CD2AP: variants seen among roughly 807,000 people sequenced by gnomAD.
The protein encoded by CD2AP is CD2-associated protein.
In CD2AP, 46 loss-of-function variants were observed where a neutral mutation model predicts 85.1. The ratio of observed to expected loss-of-function variants is 0.54; its 90% CI spans 0.43 to 0.69. The LOEUF is 0.69. CD2AP is among the 30% of genes least tolerant of loss of function. CD2AP has a pLI of 0.00. For missense variants in CD2AP, 769 were observed against 729.5 expected, an observed-to-expected ratio of 1.05 and a Z score of -0.62; for synonymous variants, 255 against 252.9, an observed-to-expected ratio of 1.01 and a Z score of -0.08.
At chr6:47,623,060 C>A (rs1210586501) in intron 17 of CD2AP, among the ~76,000 whole-genome samples, 3 of 152,170 alleles carry the variant, frequency 2.0e-5, no homozygotes, top group Admixed American at 6.5e-5. Context: ...CGTCTCAATC[C>A]AAATTGAAGA....
chr6:47,563,297 A>T (rs141949321), intron 5 of CD2AP, among the ~76,000 whole-genome samples: 138 of 152,356 alleles, frequency 9.1e-4, no homozygotes, highest in African/African-American at 3.1e-3. Context: ...TTAGGTAGGT[A>T]TAGAAAATGT....
At chr6:47,600,733 T>C (rs1769106299) in intron 13 of CD2AP, among the ~76,000 whole-genome samples, 1 of 151,982 alleles carries the variant, frequency 6.6e-6, no homozygotes, top group Non-Finnish European at 1.5e-5. Flanking sequence ...CATTCTTTTT[T>C]ATTGAGCTTA....
In CD2AP at chr6:47,615,789, T is replaced by TTAA. The variant is rs1240983331; in HGVS notation, c.1878+3254_1878+3255insAAT. Among the ~76,000 whole-genome samples, 590 of 89,758 alleles carry TTAA rather than the reference T, an allele frequency of 6.6e-3. 2 individuals carry two copies. The highest frequency in any genetic ancestry group is 0.014 in the South Asian group (33 of 2,386). The allele number at this position is 89,758 out of a possible 152,430, so 58.9% of individuals were successfully genotyped here. On this transcript the variant is annotated intron_variant, in intron 17 of 17. Coordinates refer to ENST00000359314, the MANE Select transcript of CD2AP (RefSeq NM_012120.3). ...AATTTTAATTTTAATTTTAATTTAATTTAATTTATTTATTTATTTATTTAT... is the reference window on the plus strand; with the variant it reads ...AATTTTAATTTTAATTTTAATTTAATTAATTAATTTATTTATTTATTTATTTAT...
chr6:47,616,082 C>G (rs1396996580), intron 17 of CD2AP, among the ~76,000 whole-genome samples: 1 of 63,826 alleles, frequency 1.6e-5, no homozygotes, highest in African/African-American at 7.3e-5. Context: ...TGCGCCTGGC[C>G]TTTTTTTTTT....
At chr6:47,491,656 A>AT (rs1459855559) in intron 1 of CD2AP, among the ~76,000 whole-genome samples, 1 of 152,016 alleles carries the variant, frequency 6.6e-6, no homozygotes, top group Non-Finnish European at 1.5e-5. Context: ...TTTTGAAGTG[A>AT]TTTTTTATTG....
chr6:47,604,416 G>A (rs181627391), intron 13 of CD2AP, among the ~76,000 whole-genome samples: 19 of 152,112 alleles, frequency 1.2e-4, no homozygotes, highest in Non-Finnish European at 1.8e-4. Context: ...TGAGCATGGT[G>A]TATAATTTTG....
At chr6:47,497,347 CTCCCCTTCCCCT>C (rs201742003) in intron 1 of CD2AP, among the ~76,000 whole-genome samples, 4 of 138,138 alleles carry the variant, frequency 2.9e-5, no homozygotes, top group East Asian at 2.0e-4. Context: ...CTTCCCTTCC[CTCCCCTTCCCCT>C]TCCCCTTCCC....
chr6:47,619,810 C>T (rs1357222969), intron 17 of CD2AP, among the ~76,000 whole-genome samples: 3 of 152,156 alleles, frequency 2.0e-5, no homozygotes, highest in Admixed American at 6.5e-5. Context: ...TTACATTTCC[C>T]CGATCATTAG....
intron 2 of CD2AP, among the ~76,000 whole-genome samples, chr6:47,531,443 G>A (rs1034922971): frequency 6.6e-6 from 1 of 151,650 alleles, no homozygotes; most frequent in African/African-American, 2.4e-5. Flanking sequence ...GCGGGAAACC[G>A]AGGACTGGAG....
At chr6:47,585,904 G>C (rs1768614787) in intron 11 of CD2AP, among the ~76,000 whole-genome samples, 1 of 152,148 alleles carries the variant, frequency 6.6e-6, no homozygotes, top group Non-Finnish European at 1.5e-5. Context: ...AGGTTTCTCT[G>C]CCTCTATCTT....
At chr6:47,481,380 C>G (rs981386950) in intron 1 of CD2AP, among the ~76,000 whole-genome samples, 1 of 152,044 alleles carries the variant, frequency 6.6e-6, no homozygotes, top group African/African-American at 2.4e-5. Flanking sequence ...GAGTTTTGCT[C>G]TGTTGCCCAA....
intron 2 of CD2AP, among the ~76,000 whole-genome samples, chr6:47,505,011 C>CTTTTTTTTTTTTTTTT (rs58060161): frequency 1.7e-4 from 16 of 95,104 alleles, no homozygotes; most frequent in Non-Finnish European, 1.7e-4. Flanking sequence ...GTGGCAGTTT[C>CTTTTTTTTTTTTTTTT]TTTTTTTTTT....
At chr6:47,606,129 TTC>T (rs765588654) in intron 13 of CD2AP, 34 bp from the exon 14 acceptor site, 1 of 1,093,246 alleles carries the variant, frequency 9.1e-7, no homozygotes, top group South Asian at 1.3e-5. Flanking sequence ...AAAGGTACAG[TTC>T]TCTTAGTAAA....
At position 47,549,278 on chromosome 6, in the gene CD2AP, T is replaced by C. The variant is rs189250210; in HGVS notation, c.420+4572T>C. Among the ~76,000 whole-genome samples, 123 of 152,192 alleles carry C rather than the reference T, an allele frequency of 8.1e-4. 2 individuals carry two copies. In the East Asian group the frequency reaches 8.5e-3, roughly 11 times the overall value. On this transcript the variant is annotated intron_variant, in intron 4 of 17. Transcript: ENST00000359314. ...AAGTCACACTGTCACTGTTTGCTGA[T>C]GATATGATCGTTTACCTTGAAATCC...
At chr6:47,520,284 A>T (rs930676581) in intron 2 of CD2AP, among the ~76,000 whole-genome samples, 1 of 152,226 alleles carries the variant, frequency 6.6e-6, no homozygotes, top group Non-Finnish European at 1.5e-5. Context: ...AAATATTTAT[A>T]ACAGTCAATA....
chr6:47,616,082 C>CTTTTTTTTTTTTTTTTTTTTTTTT, intron 17 of CD2AP, among the ~76,000 whole-genome samples: 1 of 63,812 alleles, frequency 1.6e-5, no homozygotes, highest in Non-Finnish European at 2.9e-5. Context: ...TGCGCCTGGC[C>CTTTTTTTTTTTTTTTTTTTTTTTT]TTTTTTTTTT....
At chr6:47,600,467 T>C (rs1453824985) in intron 13 of CD2AP, among the ~76,000 whole-genome samples, 1 of 151,944 alleles carries the variant, frequency 6.6e-6, no homozygotes. Context: ...TCTTTCAGTT[T>C]GCGAATGCAA....
intron 2 of CD2AP, among the ~76,000 whole-genome samples, chr6:47,522,828 A>G (rs1040947783): frequency 1.3e-5 from 2 of 151,762 alleles, no homozygotes; most frequent in Non-Finnish European, 2.9e-5. Flanking sequence ...ATATAATGTA[A>G]ATTATATTTA....
At chr6:47,610,971 A>ATATATATATATTTT in intron 16 of CD2AP, among the ~76,000 whole-genome samples, 3 of 112,870 alleles carry the variant, frequency 2.7e-5, no homozygotes, top group Non-Finnish European at 5.4e-5. Flanking sequence ...ATATATATGT[A>ATATATATATATTTT]TTTTTTTTTT....
Sources: gnomAD v4.1 joint callset for allele counts (sites outside exome capture counted in the v4.1 genomes callset) on GRCh38, gnomAD v4.1.1 for gene constraint, MANE v1.5 for transcripts, NCBI Gene and HGNC (gene_info 2026-07-23, HGNC 2026-07-21) for gene names.